TUBD1: variants seen among roughly 807,000 people sequenced by gnomAD.
The protein encoded by TUBD1 is tubulin delta 1.
TUBD1 carries 38 observed loss-of-function variants against 51.2 expected under a neutral mutation model. The observed-to-expected ratio is 0.74, with a 90% CI of 0.57 to 0.97. The LOEUF (loss-of-function observed/expected upper bound fraction) is 0.97, where lower values mean the gene tolerates loss of function less well. Among genes scored for constraint, TUBD1 ranks in the 50% least tolerant of loss-of-function variants. The probability of loss-of-function intolerance (pLI) is 0.00; values close to 1 mark genes in which losing one functional copy is unlikely to be tolerated. For synonymous variants in TUBD1, 169 were observed against 178.2 expected (o/e 0.95, Z 0.41); for missense variants, 489 against 538.4 (o/e 0.91, Z 0.91).
intron 6 of TUBD1, among the ~76,000 whole-genome samples, chr17:59,868,768 C>T (rs533219133): frequency 8.1e-4 from 123 of 151,976 alleles, no homozygotes; most frequent in Admixed American, 1.4e-3. Context: ...ACCCGGGAGG[C>T]GGAGGTTGCA....
chr17:59,883,807 C>T lies in TUBD1; in HGVS notation c.320+2276G>A, dbSNP rs1043377290. Among the ~76,000 whole-genome samples the T allele has an allele frequency of 5.3e-5, 8 of 152,188 alleles. No homozygotes were observed. The South Asian group carries it at 1.2e-3, about 24-fold the overall frequency. ...GGCTCAAGCGATCCTCCTGCCTTGG[C>T]CTCCCAAATTGCTGGGATTACAGGC... On this transcript the variant is annotated intron_variant, in intron 3 of 8. Coordinates refer to ENST00000325752, the MANE Select transcript of TUBD1 (RefSeq NM_016261.4).
intron 5 of TUBD1, among the ~76,000 whole-genome samples, chr17:59,877,885 G>A (rs539166327): frequency 2.8e-4 from 42 of 152,012 alleles, no homozygotes; most frequent in African/African-American, 1.0e-3. Flanking sequence ...AAAAAGAAGA[G>A]AAAGAATCCT....
At chr17:59,877,390 T>C (rs1225363991) in intron 5 of TUBD1, among the ~76,000 whole-genome samples, 1 of 152,178 alleles carries the variant, frequency 6.6e-6, no homozygotes, top group African/African-American at 2.4e-5. Context: ...CTGGATGAGA[T>C]GGGAAACCTC....
At chr17:59,872,916 C>T (rs748655357) in intron 6 of TUBD1, among the ~76,000 whole-genome samples, 10 of 151,970 alleles carry the variant, frequency 6.6e-5, no homozygotes, top group Admixed American at 1.3e-4. Context: ...ACTGCCACCA[C>T]GCCCGGCTAA....
chr17:59,880,910 G>A lies in TUBD1; in HGVS notation c.521C>T (p.Pro174Leu). 2 of 1,613,884 alleles carry A rather than the reference G, an allele frequency of 1.2e-6. No homozygotes were observed. The highest frequency in any genetic ancestry group is 1.7e-6 in the Non-Finnish European group (2 of 1,179,872). Residue 174 changes from proline to leucine, a missense_variant, in exon 4 of 9, where the codon CCT (proline) becomes CTT (leucine). Coordinates refer to ENST00000325752, the MANE Select transcript of TUBD1 (RefSeq NM_016261.4). ...TGTCCATACCTCACCAGTTCCATAAGGCCAAATAATCTGATTCATTTTCAA... is the reference window on the plus strand; with the variant it reads ...TGTCCATACCTCACCAGTTCCATAAAGCCAAATAATCTGATTCATTTTCAA... ...NSLKMNQIIWPYGTGEVIVQN... is the reference protein window; with the variant it reads ...NSLKMNQIIWLYGTGEVIVQN...
In TUBD1 at chr17:59,889,951, C is replaced by A. The variant is rs190573455; in HGVS notation, c.172+880G>T. On this transcript the variant is annotated intron_variant, in intron 2 of 8. Coordinates refer to ENST00000325752, the MANE Select transcript of TUBD1 (RefSeq NM_016261.4). ...CATCACTGCACTTCAGCCCGGGTGA[C>A]AGAGCGAGACTCTCTCAAAAAAAAA... Among the ~76,000 whole-genome samples the A allele has an allele frequency of 3.6e-3, 454 of 124,744 alleles. 3 individuals carry two copies. The highest frequency in any genetic ancestry group is 0.014 in the African/African-American group (435 of 31,514). The allele number at this position is 124,744 out of a possible 152,430, so 81.8% of individuals were successfully genotyped here. A position where few individuals can be genotyped will look rare whatever the true frequency, so the allele number is the denominator to read the frequency against.
intron 8 of TUBD1, among the ~76,000 whole-genome samples, chr17:59,862,881 C>T (rs1263931776): frequency 2.6e-5 from 4 of 151,872 alleles, no homozygotes; most frequent in South Asian, 2.1e-4. Flanking sequence ...CCCGCTACCA[C>T]GCCCGGCTAA....
chr17:59,868,410 T>C (rs950544899), intron 6 of TUBD1, among the ~76,000 whole-genome samples: 2 of 151,642 alleles, frequency 1.3e-5, no homozygotes, highest in African/African-American at 4.8e-5. Context: ...AATCTTTACG[T>C]AGAGGCCAGG....
Position 59,860,201 on chromosome 17 carries a change from A to G in TUBD1, c.*121T>C. 4 of 709,248 alleles carry G rather than the reference A, an allele frequency of 5.6e-6. No homozygotes were observed. Among genetic ancestry groups the G allele is most frequent in the Non-Finnish European group, 6.8e-6 (3 of 438,398 alleles). The allele number at this position is 709,248 out of a possible 1,614,324, so 43.9% of individuals were successfully genotyped here. On this transcript the variant is annotated 3_prime_UTR_variant, in exon 9 of 9. Coordinates refer to ENST00000325752, the MANE Select transcript of TUBD1 (RefSeq NM_016261.4). ...TGGCTAATTTTTTGTATTTTCTGGT[A>G]GAGACGGTGTTTCACCGTGTTAGCC...
chr17:59,870,372 C>CAA lies in TUBD1; in HGVS notation c.935-3625_935-3624dup, dbSNP rs530315478. ...GGCGACAGAGTGTGACTCCATCTCA[C>CAA]AAAAAAAAAAAAAAAAAAAAAAAAA... On this transcript the variant is annotated intron_variant, in intron 6 of 8. Transcript: ENST00000325752. 2.6e-3 allele frequency among the ~76,000 whole-genome samples: 204 copies of CAA among 77,932 alleles called. 13 individuals carry two copies. The highest frequency in any genetic ancestry group is 3.9e-3 in the Non-Finnish European group (153 of 39,070). The allele number at this position is 77,932 out of a possible 152,430, so 51.1% of individuals were successfully genotyped here.
intron 1 of TUBD1, among the ~76,000 whole-genome samples, chr17:59,891,478 G>C (rs939531738): frequency 1.2e-4 from 18 of 152,126 alleles, no homozygotes; most frequent in African/African-American, 4.3e-4. Flanking sequence ...TAATATTGGA[G>C]ATAGAACAGC....
chr17:59,863,730 T>C lies in TUBD1; in HGVS notation c.1193A>G (p.Asn398Ser), dbSNP rs76302921. Residue 398 changes from asparagine (N) to serine (S), a missense_variant, in exon 8 of 9, where the codon AAC becomes AGC. Coordinates refer to ENST00000325752, the MANE Select transcript of TUBD1 (RefSeq NM_016261.4). ...AAGTGGTTTTACTAAGAACTGGCTG[T>C]TGCTGACCAACACTGCAGACTTCTC... ...KYEKSAVLVS[N>S]SQFLVKPLDM... is the part of the protein sequence containing the mutation. 2 of 1,609,036 alleles carry C rather than the reference T, an allele frequency of 1.2e-6. No individual in the cohort carries two copies. The highest frequency in any genetic ancestry group is 1.7e-5 in the Admixed American group (1 of 58,770).
chr17:59,889,576 G>A (rs1490215295), intron 2 of TUBD1, among the ~76,000 whole-genome samples: 1 of 150,392 alleles, frequency 6.6e-6, no homozygotes, highest in African/African-American at 2.4e-5. Flanking sequence ...GGCTGAGGCA[G>A]GAGAATTGCT....
At chr17:59,879,137 G>A (rs990229338) in intron 4 of TUBD1, among the ~76,000 whole-genome samples, 6 of 151,820 alleles carry the variant, frequency 4.0e-5, no homozygotes, top group African/African-American at 1.2e-4. Context: ...TTAGCCGAGC[G>A]CATGCCTGTA....
intron 6 of TUBD1, among the ~76,000 whole-genome samples, chr17:59,869,862 G>T (rs1388507154): frequency 6.6e-6 from 1 of 152,076 alleles, no homozygotes; most frequent in Non-Finnish European, 1.5e-5. Context: ...GACAGACTGA[G>T]CATATCAGTT....
intron 4 of TUBD1, among the ~76,000 whole-genome samples, 169 bp downstream of exon 4, chr17:59,880,725 G>A (rs9910265): frequency 0.28 from 41,955 of 151,096 alleles, 5,965 homozygotes; most frequent in Middle Eastern, 0.42. Context: ...CATGTTAGCC[G>A]GGATGGTCTC....
chr17:59,860,489 TAAAC>T (rs1426485128), intron 8 of TUBD1, 65 bp from the exon 9 acceptor site: 103 of 956,212 alleles, frequency 1.1e-4, no homozygotes, highest in Non-Finnish European at 1.5e-4. Flanking sequence ...GAGTAACTCT[TAAAC>T]AATAAACAGA....
chr17:59,873,211 T>G (rs1477240043), intron 6 of TUBD1, among the ~76,000 whole-genome samples: 4 of 151,710 alleles, frequency 2.6e-5, no homozygotes, highest in Non-Finnish European at 4.4e-5. Flanking sequence ...TGTTTTTCCT[T>G]GTCATAAATT....
At chr17:59,862,107 T>G (rs2039477701) in intron 8 of TUBD1, among the ~76,000 whole-genome samples, 1 of 151,074 alleles carries the variant, frequency 6.6e-6, no homozygotes, top group African/African-American at 2.4e-5. Flanking sequence ...GCGGATCACC[T>G]GAGGTCAGGA....
Sources: gnomAD v4.1 joint callset for allele counts (sites outside exome capture counted in the v4.1 genomes callset) on GRCh38, gnomAD v4.1.1 for gene constraint, MANE v1.5 for transcripts, NCBI Gene and HGNC (gene_info 2026-07-23, HGNC 2026-07-21) for gene names.